The following ANKRD11 variants were observed in gnomAD, a reference collection of about 807,000 sequenced individuals.
The protein encoded by ANKRD11 is ankyrin repeat domain-containing protein 11.
Under a neutral mutation model 195.7 loss-of-function variants are expected in ANKRD11, and 17 were observed. The ratio of observed to expected loss-of-function variants is 0.09; its 90% CI spans 0.06 to 0.13. The LOEUF is 0.13. Among genes scored for constraint, ANKRD11 ranks in the 10% least tolerant of loss-of-function variants. ANKRD11 has a pLI of 1.00. For missense variants in ANKRD11, 3,735 were observed against 3,566.1 expected (o/e 1.05, Z -1.21); for synonymous variants, 1,953 against 1,528.1 (o/e 1.28, Z -6.49).
At chr16:89,332,988 C>G (rs1467194849) in intron 2 of ANKRD11, among the ~76,000 whole-genome samples, 2 of 152,316 alleles carry the variant, frequency 1.3e-5, no homozygotes, top group African/African-American at 4.8e-5. Context: ...CAGCCATTTT[C>G]CCATCCTGTG....
intron 2 of ANKRD11, among the ~76,000 whole-genome samples, chr16:89,371,307 CAAAT>C (rs1386146832): frequency 4.6e-5 from 7 of 152,294 alleles, no homozygotes; most frequent in Admixed American, 3.9e-4. Context: ...AGAACAGAAA[CAAAT>C]AAAGAATAAG....
chr16:89,300,319 C>T (rs2035769904), intron 4 of ANKRD11: 3 of 212,404 alleles, frequency 1.4e-5, no homozygotes, highest in Admixed American at 5.7e-5. Flanking sequence ...TTGCTAACAT[C>T]CCCACACACG....
chr16:89,356,243 T>G (rs980042720), intron 2 of ANKRD11, among the ~76,000 whole-genome samples: 1 of 152,058 alleles, frequency 6.6e-6, no homozygotes, highest in African/African-American at 2.4e-5. Flanking sequence ...AAAAACTGAT[T>G]ACAGACTTTC....
At chr16:89,455,273 G>A (rs1307834511) in intron 1 of ANKRD11, among the ~76,000 whole-genome samples, 1 of 146,564 alleles carries the variant, frequency 6.8e-6, no homozygotes, top group East Asian at 2.1e-4. Flanking sequence ...CTGCTCCCCT[G>A]GGTGCTTCTA....
chr16:89,381,055 G>A (rs190494059), intron 2 of ANKRD11, among the ~76,000 whole-genome samples: 103 of 152,268 alleles, frequency 6.8e-4, no homozygotes, highest in Non-Finnish European at 1.1e-3. Flanking sequence ...GGGCGAGGTG[G>A]CTCAGGCCTG....
intron 1 of ANKRD11, among the ~76,000 whole-genome samples, chr16:89,452,933 A>G (rs906284537): frequency 1.3e-5 from 2 of 152,116 alleles, no homozygotes; most frequent in African/African-American, 4.8e-5. Context: ...ACATGCGTGG[A>G]TAAACACATA....
intron 2 of ANKRD11, among the ~76,000 whole-genome samples, chr16:89,385,139 G>C (rs2040853409): frequency 1.3e-5 from 2 of 151,742 alleles, no homozygotes; most frequent in African/African-American, 4.8e-5. Context: ...ACCTCCCAAA[G>C]TGCTGGGATT....
chr16:89,322,018 G>A (rs758199465), intron 2 of ANKRD11, among the ~76,000 whole-genome samples: 1 of 152,212 alleles, frequency 6.6e-6, no homozygotes, highest in African/African-American at 2.4e-5. Flanking sequence ...CTAACAGTAA[G>A]AGCAGAACAC....
Position 89,282,551 on chromosome 16 carries a change from C to G in ANKRD11, c.3991G>C (p.Asp1331His). ...LEVSFTEPPG[D>H]DKPRESACLP... is the part of the protein sequence containing the mutation. ...CAGGCGCTCTCCCTCGGCTTGTCGT[C>G]TCCAGGTGGCTCCGTGAAAGAGACC... The change falls in exon 9 of 13, where the codon GAC (aspartate) becomes CAC (histidine). Residue 1331 changes from aspartate to histidine, a missense_variant. Coordinates refer to ENST00000301030, the MANE Select transcript of ANKRD11 (RefSeq NM_013275.6). 6.2e-7 allele frequency: 1 copy of G among 1,614,092 alleles called. No homozygotes were observed. The highest frequency in any genetic ancestry group is 8.5e-7 in the Non-Finnish European group (1 of 1,179,984).
At chr16:89,319,838 G>C (rs1402359649) in intron 2 of ANKRD11, 1 of 152,418 alleles carries the variant, frequency 6.6e-6, no homozygotes, top group Non-Finnish European at 1.5e-5. Context: ...TGAGGACAGA[G>C]GCTCCAGTTG....
At chr16:89,394,236 A>G (rs2041327707) in intron 2 of ANKRD11, among the ~76,000 whole-genome samples, 1 of 152,220 alleles carries the variant, frequency 6.6e-6, no homozygotes, top group Admixed American at 6.5e-5. Flanking sequence ...CTGGGACTGC[A>G]GTTCCACAGT....
At chr16:89,410,654 A>T (rs1189249713) in intron 2 of ANKRD11, among the ~76,000 whole-genome samples, 25 of 152,354 alleles carry the variant, frequency 1.6e-4, no homozygotes, top group Non-Finnish European at 2.9e-5. Flanking sequence ...ATGAACAAGA[A>T]TCCCAGTTTT....
At chr16:89,400,939 G>A (rs1012144673) in intron 2 of ANKRD11, among the ~76,000 whole-genome samples, 3 of 152,134 alleles carry the variant, frequency 2.0e-5, no homozygotes, top group Non-Finnish European at 2.9e-5. Context: ...CACCCTGCTC[G>A]GGTTCACAGA....
At chr16:89,370,903 C>T (rs2040164194) in intron 2 of ANKRD11, among the ~76,000 whole-genome samples, 2 of 152,130 alleles carry the variant, frequency 1.3e-5, no homozygotes, top group African/African-American at 4.8e-5. Context: ...TCAACACACC[C>T]AAGAACAGAA....
At chr16:89,488,642 A>G (rs1310340211) in intron 1 of ANKRD11, among the ~76,000 whole-genome samples, 5 of 152,182 alleles carry the variant, frequency 3.3e-5, no homozygotes, top group Admixed American at 6.5e-5. Flanking sequence ...GCACACAACA[A>G]AAACAGTAAC....
intron 2 of ANKRD11, among the ~76,000 whole-genome samples, chr16:89,377,428 C>A (rs2040469182): frequency 2.0e-5 from 3 of 148,566 alleles, no homozygotes; most frequent in Non-Finnish European, 3.0e-5. Context: ...ACAGGGTTTA[C>A]AACAGCCAAT....
At chr16:89,442,601 C>A (rs1441119791) in intron 1 of ANKRD11, among the ~76,000 whole-genome samples, 1 of 152,174 alleles carries the variant, frequency 6.6e-6, no homozygotes, top group Non-Finnish European at 1.5e-5. Context: ...AACGGTTTTA[C>A]GCATCAAAGA....
chr16:89,482,124 T>C (rs972280895), intron 1 of ANKRD11, among the ~76,000 whole-genome samples: 74 of 152,038 alleles, frequency 4.9e-4, no homozygotes, highest in Admixed American at 4.8e-3. Context: ...GTGAAGGAAA[T>C]CAGTGAAACA....
At position 89,308,052 on chromosome 16, in the gene ANKRD11, T is replaced by A. The variant is rs146813794; in HGVS notation, c.88-2708A>T. 5.4e-3 allele frequency among the ~76,000 whole-genome samples: 812 copies of A among 149,074 alleles called. 10 individuals are homozygous for A. Among genetic ancestry groups the A allele is most frequent in the African/African-American group, 0.019 (765 of 39,938 alleles). ...TGTGAAGAGGCCACCATCACCTTCATCTCAGAACCTGATGAGGGGAAGGTT... is the reference window on the plus strand; with the variant it reads ...TGTGAAGAGGCCACCATCACCTTCAACTCAGAACCTGATGAGGGGAAGGTT... On this transcript the variant is annotated intron_variant, in intron 3 of 12. Transcript: ENST00000301030.
Sources: allele counts gnomAD v4.1 joint callset (sites outside exome capture counted in the v4.1 genomes callset), GRCh38; gene constraint gnomAD v4.1.1; transcripts MANE v1.5; gene names NCBI Gene and HGNC (gene_info 2026-07-23, HGNC 2026-07-21).